Variants in TNFAIP8 observed in about 807,000 individuals in gnomAD.
TNFAIP8 encodes tumor necrosis factor alpha-induced protein 8.
Under a neutral mutation model 13.3 loss-of-function variants are expected in TNFAIP8, and 7 were observed. That is an observed-to-expected ratio of 0.52 (90% CI 0.30 to 0.99). The LOEUF (loss-of-function observed/expected upper bound fraction) is 0.99, where lower values mean the gene tolerates loss of function less well. Ranked by LOEUF, TNFAIP8 falls within the 50% of genes least tolerant of loss-of-function variation. The pLI, the probability that TNFAIP8 is intolerant of heterozygous loss-of-function variation, is 0.07. For missense variants in TNFAIP8, 258 were observed against 236.9 expected, an observed-to-expected ratio of 1.09 and a Z score of -0.58; for synonymous variants, 94 against 87.6, an observed-to-expected ratio of 1.07 and a Z score of -0.41.
intron 1 of TNFAIP8, among the ~76,000 whole-genome samples, chr5:119,303,166 G>C (rs887053496): frequency 1.3e-5 from 2 of 152,180 alleles, no homozygotes; most frequent in African/African-American, 4.8e-5. Flanking sequence ...TGCAGCCAGT[G>C]TAAACATTCC....
At chr5:119,335,152 G>A (rs1420421327) in intron 1 of TNFAIP8, among the ~76,000 whole-genome samples, 1 of 152,142 alleles carries the variant, frequency 6.6e-6, no homozygotes, top group Non-Finnish European at 1.5e-5. Context: ...AGCACATCCT[G>A]ACCATGTTGC....
chr5:119,394,814 C>G lies in TNFAIP8; in HGVS notation c.*1433C>G, dbSNP rs1366593905. On this transcript the variant is annotated 3_prime_UTR_variant, in exon 2 of 2. Transcript: ENST00000504771. ...TCGAGATGGGGTTTCACCATGTTGC[C>G]CAGGCTGGTCTTGAACTCCTGACTT... The G allele has an allele frequency of 6.6e-6, 1 of 151,910 alleles. No homozygotes were observed. Among genetic ancestry groups the G allele is most frequent in the African/African-American group, 2.4e-5 (1 of 41,306 alleles). The allele number at this position is 151,910 out of a possible 1,614,324, so 9.4% of individuals were successfully genotyped here. A position where few individuals can be genotyped will look rare whatever the true frequency, so the allele number is the denominator to read the frequency against.
chr5:119,355,765 C>CT (rs946105897), upstream of TNFAIP8: 35 of 283,092 alleles, frequency 1.2e-4, no homozygotes, highest in Non-Finnish European at 1.8e-4. Flanking sequence ...GGAGAGTCGG[C>CT]TGCCGTCTGG....
At chr5:119,302,282 A>T (rs927165808) in intron 1 of TNFAIP8, among the ~76,000 whole-genome samples, 1 of 152,226 alleles carries the variant, frequency 6.6e-6, no homozygotes, top group African/African-American at 2.4e-5. Context: ...CAAGGGTGAC[A>T]ACCTCAAGAA....
rs538641658 is a variant in TNFAIP8, at chr5:119,398,470, C to G, written c.*5089C>G. Reference sequence around the variant, plus strand: ...CTGAGGTGGGCGGATCACCTGAGGTCCAGAGTTCAAGACCAGCCTGACCAA... The same window carrying G: ...CTGAGGTGGGCGGATCACCTGAGGTGCAGAGTTCAAGACCAGCCTGACCAA... On this transcript the variant is annotated 3_prime_UTR_variant, in exon 2 of 2. Coordinates refer to ENST00000504771, the MANE Select transcript of TNFAIP8 (RefSeq NM_014350.4). 6.6e-6 allele frequency: 1 copy of G among 152,334 alleles called. No homozygotes were observed. Among genetic ancestry groups the G allele is most frequent in the South Asian group, 2.1e-4 (1 of 4,824 alleles). The allele number at this position is 152,334 out of a possible 1,614,324, so 9.4% of individuals were successfully genotyped here. A position where few individuals can be genotyped will look rare whatever the true frequency, so the allele number is the denominator to read the frequency against.
intron 1 of TNFAIP8, among the ~76,000 whole-genome samples, chr5:119,374,105 T>C (rs1752189904): frequency 6.6e-6 from 1 of 152,224 alleles, no homozygotes. Context: ...TTAATACAAA[T>C]ACATTAAGTA....
chr5:119,338,916 G>A (rs184179808), intron 1 of TNFAIP8, among the ~76,000 whole-genome samples: 26 of 152,290 alleles, frequency 1.7e-4, no homozygotes, highest in African/African-American at 6.3e-4. Context: ...GCATGGTGGT[G>A]TGTACCTGTA....
At chr5:119,290,931 G>T (rs1748964136) in intron 1 of TNFAIP8, among the ~76,000 whole-genome samples, 1 of 152,108 alleles carries the variant, frequency 6.6e-6, no homozygotes, top group African/African-American at 2.4e-5. Flanking sequence ...GGGCCTGTAG[G>T]GTCTTGCATG....
intron 1 of TNFAIP8, among the ~76,000 whole-genome samples, chr5:119,325,480 C>G (rs1288452159): frequency 1.3e-5 from 2 of 152,212 alleles, no homozygotes; most frequent in Non-Finnish European, 2.9e-5. Context: ...CGGAGTCTCA[C>G]TCTGTCGCCC....
chr5:119,368,948 A>T (rs32653), intron 1 of TNFAIP8, among the ~76,000 whole-genome samples: 58,615 of 151,904 alleles, frequency 0.39, 11,608 homozygotes, highest in South Asian at 0.52. Flanking sequence ...CCTTTTGAAA[A>T]TACTGGAATC....
At chr5:119,297,827 T>C (rs1454799821) in intron 1 of TNFAIP8, among the ~76,000 whole-genome samples, 2 of 152,256 alleles carry the variant, frequency 1.3e-5, no homozygotes, top group Non-Finnish European at 2.9e-5. Context: ...TAGTTAGCTC[T>C]TCTTGTTGAA....
chr5:119,271,771 G>A (rs1246577540), intron 1 of TNFAIP8, among the ~76,000 whole-genome samples: 1 of 152,168 alleles, frequency 6.6e-6, no homozygotes, highest in East Asian at 1.9e-4. Flanking sequence ...GGAGTTGTGT[G>A]GTGCCAGATT....
At chr5:119,294,403 T>C (rs1465233181) in intron 1 of TNFAIP8, among the ~76,000 whole-genome samples, 1 of 152,186 alleles carries the variant, frequency 6.6e-6, no homozygotes, top group Non-Finnish European at 1.5e-5. Flanking sequence ...TGCATAGTAT[T>C]CCCTGGTGTA....
Position 119,395,752 on chromosome 5 carries a change from G to C in TNFAIP8, c.*2371G>C, listed in dbSNP as rs912199896. Reference sequence around the variant, plus strand: ...TTTCTAATACAATAGGACTCCCCTTGAGCATTTAGGGTGGCAAGGAGCGTG... The same window carrying C: ...TTTCTAATACAATAGGACTCCCCTTCAGCATTTAGGGTGGCAAGGAGCGTG... On this transcript the variant is annotated 3_prime_UTR_variant, in exon 2 of 2. Transcript: ENST00000504771. 2 of 152,218 alleles carry C rather than the reference G, an allele frequency of 1.3e-5. No homozygotes were observed. The highest frequency in any genetic ancestry group is 2.9e-5 in the Non-Finnish European group (2 of 68,038). 9.4% of individuals were successfully genotyped at this position (152,218 alleles called of 1,614,324 possible). A position where few individuals can be genotyped will look rare whatever the true frequency, so the allele number is the denominator to read the frequency against.
chr5:119,268,942 A>C, intron 1 of TNFAIP8: 2 of 676,768 alleles, frequency 3.0e-6, no homozygotes, highest in East Asian at 5.8e-5. Context: ...TCCCGCGCAC[A>C]CTCCAGCGCG....
chr5:119,339,782 A>G (rs1416261730), intron 1 of TNFAIP8, among the ~76,000 whole-genome samples: 2 of 152,198 alleles, frequency 1.3e-5, no homozygotes, highest in African/African-American at 4.8e-5. Context: ...GAAGTCCAAT[A>G]TAATTTGTAT....
intron 1 of TNFAIP8, among the ~76,000 whole-genome samples, chr5:119,386,746 A>G (rs948290688): frequency 2.6e-5 from 4 of 152,202 alleles, no homozygotes; most frequent in Admixed American, 2.0e-4. Flanking sequence ...TATCAGGTTA[A>G]GGACTTCAGA....
At chr5:119,295,988 CTT>C (rs1251228081) in intron 1 of TNFAIP8, among the ~76,000 whole-genome samples, 23 of 150,418 alleles carry the variant, frequency 1.5e-4, no homozygotes, top group Non-Finnish European at 3.4e-4. Flanking sequence ...TATCCTGAGA[CTT>C]TGCTGAAGTT....
At chr5:119,310,500 G>A (rs200374427) in intron 1 of TNFAIP8, among the ~76,000 whole-genome samples, 2 of 152,198 alleles carry the variant, frequency 1.3e-5, no homozygotes, top group Non-Finnish European at 2.9e-5. Context: ...GAGAGAGAGC[G>A]AAACCTGGTC....
Sources: gnomAD v4.1 joint callset for allele counts (sites outside exome capture counted in the v4.1 genomes callset) on GRCh38, gnomAD v4.1.1 for gene constraint, MANE v1.5 for transcripts, NCBI Gene and HGNC (gene_info 2026-07-23, HGNC 2026-07-21) for gene names.